Variants in KCNG3 observed in about 807,000 individuals in gnomAD.
KCNG3 encodes the protein potassium voltage-gated channel modifier subfamily G member 3, also known as voltage-gated potassium channel regulatory subunit KCNG3.
KCNG3 carries 15 observed loss-of-function variants against 29.0 expected under a neutral mutation model. That is an observed-to-expected ratio of 0.52 (90% CI 0.35 to 0.80). KCNG3 has a LOEUF of 0.80. Ranked by LOEUF, KCNG3 falls within the 30% of genes least tolerant of loss-of-function variation. The probability of loss-of-function intolerance (pLI) is 0.01; values close to 1 mark genes in which losing one functional copy is unlikely to be tolerated. For missense variants in KCNG3, 512 were observed against 605.7 expected (o/e 0.85, Z 1.62); for synonymous variants, 322 against 248.9 (o/e 1.29, Z -2.76).
intron 1 of KCNG3, among the ~76,000 whole-genome samples, chr2:42,452,587 A>C (rs1572844704): frequency 6.6e-6 from 1 of 151,840 alleles, no homozygotes; most frequent in Admixed American, 6.6e-5. Context: ...CACTTGTTTT[A>C]ATTTTTAGCT....
intron 1 of KCNG3, among the ~76,000 whole-genome samples, chr2:42,477,593 T>G (rs1673471031): frequency 6.6e-6 from 1 of 151,602 alleles, no homozygotes; most frequent in Non-Finnish European, 1.5e-5. Flanking sequence ...GATATTTGTG[T>G]CGGGGTCGGA....
intron 1 of KCNG3, among the ~76,000 whole-genome samples, chr2:42,459,111 G>T (rs1163696977): frequency 1.3e-5 from 2 of 151,264 alleles, no homozygotes; most frequent in African/African-American, 4.9e-5. Flanking sequence ...CAGGAGAATC[G>T]CTTGAACCCG....
chr2:42,423,393 G>T, the KCNG3 span, among the ~76,000 whole-genome samples: 8 of 152,174 alleles, frequency 5.3e-5, no homozygotes, highest in Admixed American at 5.2e-4. Context: ...TGCCTGCAGG[G>T]TGAAGCCCAC....
the KCNG3 span, among the ~76,000 whole-genome samples, chr2:42,404,019 TC>T: frequency 6.6e-6 from 1 of 152,240 alleles, no homozygotes; most frequent in Non-Finnish European, 1.5e-5. Flanking sequence ...TTTCTATTTT[TC>T]TTTTCTCTGG....
the KCNG3 span, among the ~76,000 whole-genome samples, chr2:42,392,851 C>T: frequency 7.2e-5 from 11 of 151,888 alleles, no homozygotes; most frequent in African/African-American, 2.4e-4. Context: ...GATACAACAA[C>T]GTGAGTTTCA....
chr2:42,474,032 G>C (rs879567475), intron 1 of KCNG3, among the ~76,000 whole-genome samples: 2 of 151,124 alleles, frequency 1.3e-5, no homozygotes, highest in Non-Finnish European at 3.0e-5. Flanking sequence ...CACACCTGCA[G>C]TCCCAGCTAC....
At chr2:42,392,675 A>T in the KCNG3 span, among the ~76,000 whole-genome samples, 1 of 152,122 alleles carries the variant, frequency 6.6e-6, no homozygotes, top group Non-Finnish European at 1.5e-5. Context: ...AAAGCAGGGA[A>T]GAAATGTAAA....
At chr2:42,399,695 T>G in the KCNG3 span, among the ~76,000 whole-genome samples, 1 of 152,286 alleles carries the variant, frequency 6.6e-6, no homozygotes, top group African/African-American at 2.4e-5. Flanking sequence ...TGAAGAGATT[T>G]TGATGGAGAG....
chr2:42,444,603 T>A lies in KCNG3; in HGVS notation c.666-24A>T. 1 of 1,572,466 alleles carries A rather than the reference T, an allele frequency of 6.4e-7. No homozygotes were observed. On this transcript the variant is annotated intron_variant, in intron 1 of 1. Transcript: ENST00000306078. This position sits in a 1 kb window ranked among gnomAD's most constrained non-coding sequence, Gnocchi z 5.8. Reference sequence around the variant, plus strand: ...TCCTGTCAAGAGAACAAAAGAAGAATTGATCATTTTATTTTTAAGCATTTT... The same window carrying A: ...TCCTGTCAAGAGAACAAAAGAAGAAATGATCATTTTATTTTTAAGCATTTT...
chr2:42,493,964 C>G lies in KCNG3; in HGVS notation c.-463G>C, dbSNP rs547080056. ...ATCCGGCGGCCGCCCCGCCGCCGTCCAGAGGCGAGAGGCAAAGTGAGCGGG... is the reference window on the plus strand; with the variant it reads ...ATCCGGCGGCCGCCCCGCCGCCGTCGAGAGGCGAGAGGCAAAGTGAGCGGG... On this transcript the variant is annotated 5_prime_UTR_variant, in exon 1 of 2. Coordinates refer to ENST00000306078, the MANE Select transcript of KCNG3 (RefSeq NM_133329.6). 6.5e-6 allele frequency: 1 copy of G among 154,018 alleles called. No individual in the cohort carries two copies. The highest frequency in any genetic ancestry group is 1.9e-4 in the East Asian group (1 of 5,256). 9.5% of individuals were successfully genotyped at this position (154,018 alleles called of 1,614,324 possible).
At chr2:42,485,986 G>C (rs1404390176) in intron 1 of KCNG3, among the ~76,000 whole-genome samples, 1 of 152,198 alleles carries the variant, frequency 6.6e-6, no homozygotes, top group Non-Finnish European at 1.5e-5. Flanking sequence ...ATCTTTAACA[G>C]GTGAGACAGT....
intron 1 of KCNG3, among the ~76,000 whole-genome samples, chr2:42,453,808 C>T (rs1192004284): frequency 6.6e-6 from 1 of 152,030 alleles, no homozygotes; most frequent in Non-Finnish European, 1.5e-5. Flanking sequence ...GAGATTTTCC[C>T]CAATGTTTTC....
At chr2:42,423,789 G>C in the KCNG3 span, among the ~76,000 whole-genome samples, 14 of 143,636 alleles carry the variant, frequency 9.7e-5, no homozygotes, top group African/African-American at 3.9e-4. Flanking sequence ...CGCACAGTCG[G>C]AAATGAGGTG....
At chr2:42,414,104 T>C in the KCNG3 span, among the ~76,000 whole-genome samples, 1 of 152,212 alleles carries the variant, frequency 6.6e-6, no homozygotes, top group Non-Finnish European at 1.5e-5. Context: ...ACTGTTGTTG[T>C]TGTTATTATA....
At chr2:42,474,130 T>C (rs954114388) in intron 1 of KCNG3, among the ~76,000 whole-genome samples, 3 of 149,902 alleles carry the variant, frequency 2.0e-5, no homozygotes, top group Non-Finnish European at 1.5e-5. Flanking sequence ...CATCCTTATC[T>C]TCTGACTCTT....
intron 1 of KCNG3, among the ~76,000 whole-genome samples, chr2:42,458,466 C>T (rs896709574): frequency 6.6e-5 from 10 of 151,714 alleles, no homozygotes; most frequent in African/African-American, 2.4e-4. Context: ...ACTGATGACC[C>T]CCTACAAAGA....
At chr2:42,438,511 T>C (rs1672414804), downstream of KCNG3, among the ~76,000 whole-genome samples, 1 of 152,212 alleles carries the variant, frequency 6.6e-6, no homozygotes, top group African/African-American at 2.4e-5. Context: ...TACTAAATGT[T>C]ATATTTGGTA....
chr2:42,421,251 TG>T, the KCNG3 span, among the ~76,000 whole-genome samples: 3 of 152,214 alleles, frequency 2.0e-5, no homozygotes, highest in African/African-American at 7.2e-5. Flanking sequence ...TGCTAAGTGT[TG>T]GGGATACAGT....
chr2:42,448,137 C>T (rs1672650387), intron 1 of KCNG3, among the ~76,000 whole-genome samples: 1 of 152,158 alleles, frequency 6.6e-6, no homozygotes, highest in South Asian at 2.1e-4. Context: ...GTTTAACGGC[C>T]TGCTCTGTGA....
Sources: gnomAD v4.1 joint callset for allele counts (sites outside exome capture counted in the v4.1 genomes callset) on GRCh38, gnomAD v4.1.1 for gene constraint, Gnocchi (gnomAD v3.1) non-coding constraint, MANE v1.5 for transcripts, NCBI Gene and HGNC (gene_info 2026-07-23, HGNC 2026-07-21) for gene names.